EFCAB8: variants seen among roughly 807,000 people sequenced by gnomAD.
EFCAB8 encodes EF-hand calcium-binding domain-containing protein 8.
Under a neutral mutation model 116.3 loss-of-function variants are expected in EFCAB8, and 100 were observed. The observed-to-expected ratio is 0.86, with a 90% CI of 0.73 to 1.02. The LOEUF (loss-of-function observed/expected upper bound fraction) is 1.02, where lower values mean the gene tolerates loss of function less well. EFCAB8 is among the 50% of genes least tolerant of loss of function. The pLI, the probability that EFCAB8 is intolerant of heterozygous loss-of-function variation, is 0.00. For synonymous variants in EFCAB8, 558 were observed against 567.9 expected, an observed-to-expected ratio of 0.98 and a Z score of 0.25; for missense variants, 1,320 against 1,416.9, an observed-to-expected ratio of 0.93 and a Z score of 1.10.
In EFCAB8 at chr20:32,873,982, G is replaced by T. The variant is rs148724026; in HGVS notation, c.209-1944G>T. On this transcript the variant is annotated intron_variant, in intron 3 of 26. Transcript: ENST00000400522. ...GTTATCCAGGCTGGAGTGCAGTGGT[G>T]AAATCTCTGCTCACTGCAACCTCCG... Among the ~76,000 whole-genome samples the T allele has an allele frequency of 3.7e-3, 559 of 151,910 alleles. 7 individuals are homozygous for T. The highest frequency in any genetic ancestry group is 0.013 in the African/African-American group (529 of 41,362).
Position 32,898,950 on chromosome 20 carries a change from C to G in EFCAB8, c.1088+327C>G, listed in dbSNP as rs1375224860. Among the ~76,000 whole-genome samples the G allele has an allele frequency of 2.0e-5, 3 of 152,230 alleles. No homozygotes were observed. In the East Asian group the frequency reaches 5.8e-4, roughly 29 times the overall value. ...AAAGGGTGTGAAAGCACGTACCTCACTTCCTGAAGGGTTGCATGAGGGAAT... is the reference window on the plus strand; with the variant it reads ...AAAGGGTGTGAAAGCACGTACCTCAGTTCCTGAAGGGTTGCATGAGGGAAT... On this transcript the variant is annotated intron_variant, in intron 11 of 26. Coordinates refer to ENST00000400522, the MANE Select transcript of EFCAB8 (RefSeq NM_001143967.2).
chr20:32,933,925 C>T (rs555282569), intron 22 of EFCAB8, among the ~76,000 whole-genome samples: 10 of 152,208 alleles, frequency 6.6e-5, no homozygotes, highest in East Asian at 1.9e-4. Flanking sequence ...TGCAGTGAGC[C>T]GAGGTTGCGC....
chr20:32,960,599 G>T (rs1450053206), intron 26 of EFCAB8, among the ~76,000 whole-genome samples: 1 of 152,220 alleles, frequency 6.6e-6, no homozygotes, highest in Non-Finnish European at 1.5e-5. Context: ...TCTCCATCAG[G>T]GACAGAAAGG....
chr20:32,912,957 G>A (rs537858813), intron 17 of EFCAB8, 93 bp downstream of exon 17: 1 of 673,700 alleles, frequency 1.5e-6, no homozygotes, highest in Non-Finnish European at 2.7e-6. Context: ...CTGGTGGTTG[G>A]AACACCATGC....
At chr20:32,921,342 T>A (rs1181344) in intron 20 of EFCAB8, among the ~76,000 whole-genome samples, 151,412 of 151,418 alleles carry the variant, frequency 1, 75,703 homozygotes, top group Middle Eastern at 1. Context: ...ATAGGCATGC[T>A]CCATTATGCC....
chr20:32,859,797 TAC>T (rs200785437), intron 1 of EFCAB8, among the ~76,000 whole-genome samples: 1,868 of 152,292 alleles, frequency 0.012, 35 homozygotes, highest in African/African-American at 0.043. Flanking sequence ...ATAACCACAA[TAC>T]AGTTATCAAA....
intron 4 of EFCAB8, among the ~76,000 whole-genome samples, chr20:32,878,468 A>T (rs1985108838): frequency 6.8e-6 from 1 of 146,104 alleles, no homozygotes. Flanking sequence ...CCTGGGAGAG[A>T]TGGGGTGGTG....
Position 32,918,373 on chromosome 20 carries a change from G to A in EFCAB8, c.2073G>A (p.Val691=). Residue 691 remains valine, a synonymous_variant, in exon 19 of 27, where the codon GTG becomes GTA. Transcript: ENST00000400522. ...TCTTCTTGGTACAGGTGCAAGATGT[G>A]AACAACTGCCTGGCTGAGAGCCACA... ...SPLQPKRVQD[V]NNCLAESHRP... 6.4e-7 allele frequency: 1 copy of A among 1,551,698 alleles called. No homozygotes were observed. The highest frequency in any genetic ancestry group is 8.7e-7 in the Non-Finnish European group (1 of 1,146,996).
At chr20:32,910,669 T>A (rs1467626773) in intron 15 of EFCAB8, among the ~76,000 whole-genome samples, 2 of 151,004 alleles carry the variant, frequency 1.3e-5, no homozygotes, top group African/African-American at 4.9e-5. Flanking sequence ...GTTTAAAATT[T>A]AAAAAAATTA....
intron 23 of EFCAB8, among the ~76,000 whole-genome samples, chr20:32,954,771 G>A (rs898189724): frequency 2.6e-5 from 4 of 152,062 alleles, no homozygotes; most frequent in Non-Finnish European, 4.4e-5. Flanking sequence ...TCTGTCAAAC[G>A]CTTTTTCTGC....
At chr20:32,865,752 T>C (rs1414663364) in intron 2 of EFCAB8, among the ~76,000 whole-genome samples, 1 of 149,160 alleles carries the variant, frequency 6.7e-6, no homozygotes, top group Admixed American at 6.8e-5. Flanking sequence ...TGAGCTGAGA[T>C]CGCACCACGC....
intron 6 of EFCAB8, among the ~76,000 whole-genome samples, chr20:32,886,255 G>C (rs192315225): frequency 7.9e-5 from 12 of 152,348 alleles, no homozygotes; most frequent in Admixed American, 7.8e-4. Context: ...TACATGTGTA[G>C]TGCTTGGGGC....
At chr20:32,950,742 A>G (rs1988772110) in intron 23 of EFCAB8, among the ~76,000 whole-genome samples, 1 of 152,194 alleles carries the variant, frequency 6.6e-6, no homozygotes, top group South Asian at 2.1e-4. Flanking sequence ...GTTTTACTGG[A>G]GCCCATTGTA....
At chr20:32,918,626 G>GTT (rs1215749451) in intron 19 of EFCAB8, 52 bp downstream of exon 19, 8 of 1,505,824 alleles carry the variant, frequency 5.3e-6, no homozygotes, top group Non-Finnish European at 7.2e-6. Context: ...AGCCGCCGGC[G>GTT]TTCACACACC....
At chr20:32,924,264 A>G (rs1159040098) in intron 20 of EFCAB8, among the ~76,000 whole-genome samples, 3 of 152,018 alleles carry the variant, frequency 2.0e-5, no homozygotes, top group East Asian at 3.9e-4. Context: ...GAGTCTCCTT[A>G]TGTTGCCCAG....
chr20:32,961,618 G>T lies in EFCAB8; in HGVS notation c.*9G>T, dbSNP rs11167189. 4 of 1,295,608 alleles carry T rather than the reference G, an allele frequency of 3.1e-6. No homozygotes were observed. In the African/African-American group the frequency reaches 6.0e-5, roughly 19 times the overall value. The allele number at this position is 1,295,608 out of a possible 1,614,324, so 80.3% of individuals were successfully genotyped here. A position where few individuals can be genotyped will look rare whatever the true frequency, so the allele number is the denominator to read the frequency against. On this transcript the variant is annotated 3_prime_UTR_variant, in exon 27 of 27. Transcript: ENST00000400522. ...CCCATGTCAGGTTCTGAGGTGCTCCGCTGTCTTCTCTAGTCCTCCAGCAGG... is the reference window on the plus strand; with the variant it reads ...CCCATGTCAGGTTCTGAGGTGCTCCTCTGTCTTCTCTAGTCCTCCAGCAGG...
At chr20:32,945,997 G>T (rs2146294448) in intron 23 of EFCAB8, among the ~76,000 whole-genome samples, 1 of 152,346 alleles carries the variant, frequency 6.6e-6, no homozygotes, top group Admixed American at 6.5e-5. Context: ...AGGCAAGACA[G>T]AAACCAGTTT....
intron 17 of EFCAB8, among the ~76,000 whole-genome samples, chr20:32,914,945 C>T (rs190827972): frequency 6.6e-6 from 1 of 152,150 alleles, no homozygotes; most frequent in East Asian, 1.9e-4. Flanking sequence ...GTCACCCAGG[C>T]TGGACTGTAG....
Position 32,917,378 on chromosome 20 carries a change from A to T in EFCAB8, c.1934A>T (p.Lys645Met). 1 of 1,551,882 alleles carries T rather than the reference A, an allele frequency of 6.4e-7. No homozygotes were observed. The highest frequency in any genetic ancestry group is 8.7e-7 in the Non-Finnish European group (1 of 1,146,994). ...ACGGAGGACATCCTGAGCATGGCCA[A>T]GTACCGGAACCAGTTCCTTGGGACC... is the stretch of plus-strand genomic sequence containing the variant. Reference protein sequence around the residue: ...YHTEDILSMAKYRNQFLGTSS... With the variant: ...YHTEDILSMAMYRNQFLGTSS... Residue 645 changes from lysine (K) to methionine (M), a missense_variant, in exon 18 of 27, where the codon AAG becomes ATG. By Grantham distance (95) the Lys-to-Met change is moderately conservative. Transcript: ENST00000400522.
Sources: allele counts gnomAD v4.1 joint callset (sites outside exome capture counted in the v4.1 genomes callset), GRCh38; gene constraint gnomAD v4.1.1; transcripts MANE v1.5; gene names NCBI Gene and HGNC (gene_info 2026-07-23, HGNC 2026-07-21).